SLC37A1: variants seen among roughly 807,000 people sequenced by gnomAD.
SLC37A1 encodes the protein solute carrier family 37 member 1.
A neutral mutation model predicts 75.3 loss-of-function variants in SLC37A1; 49 were observed. That is an observed-to-expected ratio of 0.65 (90% CI 0.52 to 0.83). SLC37A1 has a LOEUF of 0.83. SLC37A1 is among the 40% of genes least tolerant of loss of function. The pLI is 0.00. For synonymous variants in SLC37A1, 268 were observed against 292.1 expected (o/e 0.92, Z 0.84); for missense variants, 566 against 695.0 (o/e 0.81, Z 2.09).
intron 1 of SLC37A1, among the ~76,000 whole-genome samples, chr21:42,517,342 C>G (rs2054539749): frequency 6.6e-6 from 1 of 152,174 alleles, no homozygotes; most frequent in Non-Finnish European, 1.5e-5. Flanking sequence ...TGAATCCCAC[C>G]TATTCAGGCC....
chr21:42,573,020 C>G (rs1434775786), intron 17 of SLC37A1, among the ~76,000 whole-genome samples: 2 of 152,134 alleles, frequency 1.3e-5, no homozygotes, highest in African/African-American at 4.8e-5. Context: ...CCCAGGGGAG[C>G]CTGGGTCCAG....
chr21:42,558,873 G>T, intron 10 of SLC37A1, 85 bp from the exon 11 acceptor site: 1 of 1,571,298 alleles, frequency 6.4e-7, no homozygotes, highest in Non-Finnish European at 8.7e-7. Flanking sequence ...AGGCACCCTC[G>T]TCATTAGGAA....
intron 18 of SLC37A1, among the ~76,000 whole-genome samples, chr21:42,577,956 G>C (rs146672150): frequency 6.6e-6 from 1 of 152,228 alleles, no homozygotes; most frequent in Non-Finnish European, 1.5e-5. Context: ...GGGGCTTGTC[G>C]CAGTGGAGAA....
At chr21:42,571,255 A>G (rs1429066790) in intron 17 of SLC37A1, among the ~76,000 whole-genome samples, 1 of 152,202 alleles carries the variant, frequency 6.6e-6, no homozygotes, top group Non-Finnish European at 1.5e-5. Flanking sequence ...ACTCCTTGGC[A>G]GTGACTCGGG....
At chr21:42,505,611 C>T (rs1040103104) in intron 2 of SLC37A1, among the ~76,000 whole-genome samples, 3 of 152,170 alleles carry the variant, frequency 2.0e-5, no homozygotes, top group African/African-American at 7.2e-5. Context: ...CTTGTGGCTT[C>T]AGCCCCCAGC....
rs1569030367 is a variant in SLC37A1, at chr21:42,562,135, C to G, written c.1039C>G (p.Leu347Val). The G allele has an allele frequency of 6.2e-7, 1 of 1,614,078 alleles. No homozygotes were observed. Among genetic ancestry groups the G allele is most frequent in the African/African-American group, 1.3e-5 (1 of 74,914 alleles). Residue 347 changes from leucine (L) to valine (V), a missense_variant, in exon 12 of 20, where the codon CTC becomes GTC. Transcript: ENST00000352133. ...TGCCAAGCTGGTCAGCTATACTTTC[C>G]TCTTCTGGCTGCCCCTGTACATCAC... ...LFAKLVSYTF[L>V]FWLPLYITNV...
chr21:42,515,314 TGGA>T (rs2054504242), intron 1 of SLC37A1, among the ~76,000 whole-genome samples: 1 of 152,228 alleles, frequency 6.6e-6, no homozygotes, highest in African/African-American at 2.4e-5. Context: ...TGAAAACTTT[TGGA>T]GGAGAATTGC....
intron 2 of SLC37A1, among the ~76,000 whole-genome samples, chr21:42,506,333 A>G (rs527267613): frequency 6.6e-6 from 1 of 152,374 alleles, no homozygotes; most frequent in Admixed American, 6.5e-5. Flanking sequence ...AGAGAAAAAT[A>G]GCAAATCAAA....
At chr21:42,503,691 GTTTGAATTGCC>G (rs1202456567) in intron 2 of SLC37A1, among the ~76,000 whole-genome samples, 1 of 152,146 alleles carries the variant, frequency 6.6e-6, no homozygotes, top group Non-Finnish European at 1.5e-5. Context: ...ATACCTGCTT[GTTTGAATTGCC>G]TTTCTCCTCT....
chr21:42,541,632 A>T (rs929745407), intron 6 of SLC37A1, among the ~76,000 whole-genome samples: 13 of 152,224 alleles, frequency 8.5e-5, no homozygotes, highest in African/African-American at 2.7e-4. Context: ...TAACAACAGT[A>T]CCTTCTCCAT....
chr21:42,572,675 C>CAAAAAAAAA (rs1200698297), intron 17 of SLC37A1, among the ~76,000 whole-genome samples: 8 of 18,138 alleles, frequency 4.4e-4, no homozygotes, highest in African/African-American at 2.0e-3. Context: ...GCCACACACA[C>CAAAAAAAAA]ACAAAAAAAA....
At chr21:42,566,180 C>T (rs1222159169) in intron 15 of SLC37A1, among the ~76,000 whole-genome samples, 1 of 152,230 alleles carries the variant, frequency 6.6e-6, no homozygotes, top group Non-Finnish European at 1.5e-5. Context: ...GGCAGCCCCT[C>T]CTGGGGCCTT....
chr21:42,554,164 CT>C, intron 10 of SLC37A1, 22 bp downstream of exon 10: 1 of 1,608,306 alleles, frequency 6.2e-7, no homozygotes, highest in South Asian at 1.1e-5. Context: ...ACAACTTCCA[CT>C]TCCTAGAATG....
In SLC37A1 at chr21:42,552,623, T is replaced by C. The variant is rs2146937424; in HGVS notation, c.769-1439T>C. Among the ~76,000 whole-genome samples the C allele has an allele frequency of 1.3e-5, 2 of 152,346 alleles. 1 individual carries two copies. The highest frequency in any genetic ancestry group is 4.1e-4 in the South Asian group (2 of 4,828). ...CTGCTGGAGCTCCAGCCATTACATCTGTATTCCAGCCAGCAGGAAGGAGGG... is the reference window on the plus strand; with the variant it reads ...CTGCTGGAGCTCCAGCCATTACATCCGTATTCCAGCCAGCAGGAAGGAGGG... On this transcript the variant is annotated intron_variant, in intron 9 of 19. Coordinates refer to ENST00000352133, the MANE Select transcript of SLC37A1 (RefSeq NM_001320537.2). The surrounding 1 kb of genome is among the most constrained non-coding windows in gnomAD (Gnocchi z 4.2).
At position 42,547,315 on chromosome 21, in the gene SLC37A1, T is replaced by C. The variant is rs2055434819; in HGVS notation, c.768+175T>C. On this transcript the variant is annotated intron_variant, in intron 9 of 19. Coordinates refer to ENST00000352133, the MANE Select transcript of SLC37A1 (RefSeq NM_001320537.2). The surrounding 1 kb of genome is among the most constrained non-coding windows in gnomAD (Gnocchi z 6.1). ...AATATTCTGTTTTGGGTTTCGCTGATAATAACCTTATCAGCAAAACCCAGA... is the reference window on the plus strand; with the variant it reads ...AATATTCTGTTTTGGGTTTCGCTGACAATAACCTTATCAGCAAAACCCAGA... 2 of 670,910 alleles carry C rather than the reference T, an allele frequency of 3.0e-6. No individual in the cohort carries two copies. The highest frequency in any genetic ancestry group is 2.7e-5 in the Admixed American group (1 of 37,308). The allele number at this position is 670,910 out of a possible 1,614,324, so 41.6% of individuals were successfully genotyped here.
chr21:42,534,621 G>C, intron 3 of SLC37A1, 77 bp from the exon 4 acceptor site: 4 of 1,518,924 alleles, frequency 2.6e-6, no homozygotes, highest in Non-Finnish European at 3.6e-6. Flanking sequence ...AGGGGTGACT[G>C]TTCCTCTCTG....
rs1454357545 is a variant in SLC37A1 at position 42,565,853 on chromosome 21, G to C, written c.1248G>C (p.Lys416Asn). 6.2e-7 allele frequency: 1 copy of C among 1,613,992 alleles called. No homozygotes were observed. Among genetic ancestry groups the C allele is most frequent in the Non-Finnish European group, 8.5e-7 (1 of 1,180,006 alleles). The change falls in exon 15 of 20, where the codon AAG becomes AAC. Residue 416 changes from lysine (K) to asparagine (N), a missense_variant. Lys to Asn is a moderately conservative substitution (Grantham distance 94). Transcript: ENST00000352133. ...PTLYIFSTVSKMGLEATIAML... is the reference protein window; with the variant it reads ...PTLYIFSTVSNMGLEATIAML... ...TCTACATCTTCTCCACCGTCAGCAA[G>C]ATGGGGCTTGAGGCCACCATCGGTG...
At chr21:42,534,923 T>A in intron 4 of SLC37A1, 93 bp downstream of exon 4, 1 of 1,460,784 alleles carries the variant, frequency 6.8e-7, no homozygotes, top group South Asian at 1.4e-5. Context: ...TGTTCCCAGA[T>A]GTAACTGCAT....
At chr21:42,567,513 T>C (rs1289040175) in intron 16 of SLC37A1, among the ~76,000 whole-genome samples, 2 of 152,190 alleles carry the variant, frequency 1.3e-5, no homozygotes, top group Admixed American at 1.3e-4. Flanking sequence ...TACATGGGCA[T>C]GGAAAATTCT....
Sources: gnomAD v4.1 joint callset for allele counts (sites outside exome capture counted in the v4.1 genomes callset) on GRCh38, gnomAD v4.1.1 for gene constraint, Gnocchi (gnomAD v3.1) non-coding constraint, MANE v1.5 for transcripts, NCBI Gene and HGNC (gene_info 2026-07-23, HGNC 2026-07-21) for gene names.